LIPI: variants seen among roughly 807,000 people sequenced by gnomAD.
LIPI encodes the protein lipase I, also known as lipase member I.
Under a neutral mutation model 50.6 loss-of-function variants are expected in LIPI, and 59 were observed. That is an observed-to-expected ratio of 1.16 (90% CI 0.94 to 1.45). The LOEUF is 1.45. Among genes scored for constraint, LIPI ranks in the 40% most tolerant of loss-of-function variants. The probability of loss-of-function intolerance (pLI) is 0.00; values close to 1 mark genes in which losing one functional copy is unlikely to be tolerated. For synonymous variants in LIPI, 203 were observed against 178.2 expected (o/e 1.14, Z -1.11); for missense variants, 586 against 536.3 (o/e 1.09, Z -0.92).
At chr21:14,131,171 C>T (rs183731449) in intron 9 of LIPI, among the ~76,000 whole-genome samples, 161 of 152,136 alleles carry the variant, frequency 1.1e-3, no homozygotes, top group Middle Eastern at 3.4e-3. Flanking sequence ...AGGATGGTCT[C>T]GATCCCCTGA....
intron 1 of LIPI, chr21:14,206,975 A>C (rs559600801): frequency 3.1e-5 from 38 of 1,209,378 alleles, no homozygotes; most frequent in Admixed American, 1.7e-4. Context: ...CATGTATAAT[A>C]AGAAGGAAGA....
At chr21:14,145,906 T>C (rs2017887328) in intron 8 of LIPI, among the ~76,000 whole-genome samples, 1 of 152,120 alleles carries the variant, frequency 6.6e-6, no homozygotes, top group South Asian at 2.1e-4. Context: ...AAAAAGGACA[T>C]GATCATTCTA....
chr21:14,142,807 T>G (rs953487727), intron 9 of LIPI, among the ~76,000 whole-genome samples: 5 of 151,816 alleles, frequency 3.3e-5, no homozygotes, highest in Non-Finnish European at 4.4e-5. Flanking sequence ...ATAATTTAGA[T>G]TTTATATTTA....
chr21:14,153,905 A>G (rs1002651166), intron 7 of LIPI, among the ~76,000 whole-genome samples: 2 of 152,208 alleles, frequency 1.3e-5, no homozygotes, highest in African/African-American at 4.8e-5. Context: ...TCCAGAAAAC[A>G]TGAAATTTAA....
At chr21:14,187,716 T>C (rs2019504157) in intron 2 of LIPI, among the ~76,000 whole-genome samples, 1 of 152,156 alleles carries the variant, frequency 6.6e-6, no homozygotes, top group South Asian at 2.1e-4. Context: ...AATGGTATTG[T>C]TTTGTCCAAA....
chr21:14,152,643 T>A lies in LIPI; in HGVS notation c.1048A>T (p.Met350Leu). The A allele has an allele frequency of 1.3e-6, 2 of 1,572,888 alleles. No individual in the cohort carries two copies. Among genetic ancestry groups the A allele is most frequent in the Admixed American group, 1.7e-5 (1 of 59,806 alleles). ...TTAAATGAAAACGAGCCATCCATCATAGTTTTATCTGGAACAATTATACTG... is the reference window on the plus strand; with the variant it reads ...TTAAATGAAAACGAGCCATCCATCAAAGTTTTATCTGGAACAATTATACTG... ...VLSIIVPDKT[M>L]MDGSFSFKLL... The change falls in exon 8 of 10, where the codon ATG (methionine) becomes TTG (leucine). Residue 350 changes from methionine to leucine, a missense_variant. By Grantham distance (15) the Met-to-Leu change is conservative (BLOSUM62 2). Coordinates refer to ENST00000681601, the MANE Select transcript of LIPI (RefSeq NM_001302998.2).
intron 7 of LIPI, among the ~76,000 whole-genome samples, chr21:14,157,002 G>A (rs2018297284): frequency 6.6e-6 from 1 of 151,804 alleles, no homozygotes; most frequent in Non-Finnish European, 1.5e-5. Context: ...CATCGTGGCA[G>A]GTAGCTTAGT....
At chr21:14,182,282 T>G (rs2019300265) in intron 3 of LIPI, among the ~76,000 whole-genome samples, 2 of 152,180 alleles carry the variant, frequency 1.3e-5, no homozygotes, top group African/African-American at 4.8e-5. Flanking sequence ...CTTTTTTAGG[T>G]GCCAAATATA....
chr21:14,177,296 C>T (rs2019130526), intron 4 of LIPI, among the ~76,000 whole-genome samples: 1 of 151,904 alleles, frequency 6.6e-6, no homozygotes, highest in African/African-American at 2.4e-5. Context: ...TATTTTTTAT[C>T]ACCCTTCTAC....
At chr21:14,192,379 CACTTGA>C (rs1355890091) in intron 1 of LIPI, among the ~76,000 whole-genome samples, 1 of 152,070 alleles carries the variant, frequency 6.6e-6, no homozygotes, top group African/African-American at 2.4e-5. Flanking sequence ...GCAGGAGAAT[CACTTGA>C]ACCTGGGAGG....
chr21:14,119,173 A>G (rs1424806659), intron 9 of LIPI, among the ~76,000 whole-genome samples: 2 of 152,180 alleles, frequency 1.3e-5, no homozygotes, highest in Non-Finnish European at 2.9e-5. Context: ...CCAAGGATTT[A>G]AAAACTCCCC....
chr21:14,183,691 A>G (rs185467978), intron 3 of LIPI, among the ~76,000 whole-genome samples: 266 of 152,344 alleles, frequency 1.7e-3, no homozygotes, highest in Non-Finnish European at 3.2e-3. Flanking sequence ...TTCTCAAAAG[A>G]AGACACCTAT....
intron 4 of LIPI, among the ~76,000 whole-genome samples, chr21:14,169,570 C>A (rs1267943285): frequency 6.6e-6 from 1 of 152,160 alleles, no homozygotes; most frequent in Non-Finnish European, 1.5e-5. Flanking sequence ...CACTCAAAAC[C>A]GTTCAACTAC....
chr21:14,168,856 A>G (rs1451300823), intron 4 of LIPI, among the ~76,000 whole-genome samples: 2 of 152,196 alleles, frequency 1.3e-5, no homozygotes, highest in East Asian at 1.9e-4. Flanking sequence ...AAATTCACAC[A>G]TAACAATATT....
intron 4 of LIPI, among the ~76,000 whole-genome samples, chr21:14,170,945 T>C (rs2018878049): frequency 6.6e-6 from 1 of 151,832 alleles, no homozygotes; most frequent in Admixed American, 6.6e-5. Context: ...GCAGATGACA[T>C]GATTGTATAT....
intron 1 of LIPI, among the ~76,000 whole-genome samples, chr21:14,209,018 T>A (rs115501765): frequency 0.035 from 5,256 of 152,156 alleles, 292 homozygotes; most frequent in African/African-American, 0.11. Flanking sequence ...CACACTGTAC[T>A]CCAGCCTGGG....
chr21:14,204,959 A>G (rs1205819623), intron 1 of LIPI, among the ~76,000 whole-genome samples: 1 of 151,836 alleles, frequency 6.6e-6, no homozygotes, highest in Non-Finnish European at 1.5e-5. Flanking sequence ...TAGACAAAAG[A>G]CAAAAAATGA....
At chr21:14,162,628 A>G (rs1250534609) in intron 7 of LIPI, among the ~76,000 whole-genome samples, 1 of 151,932 alleles carries the variant, frequency 6.6e-6, no homozygotes, top group Non-Finnish European at 1.5e-5. Flanking sequence ...TTAACTCAAT[A>G]AAATTTTTAA....
At chr21:14,171,721 C>T (rs865811570) in intron 4 of LIPI, among the ~76,000 whole-genome samples, 2,303 of 150,812 alleles carry the variant, frequency 0.015, 41 homozygotes, top group African/African-American at 0.049. Context: ...TAATTCAAGA[C>T]GGATTAAAGA....
Sources: gnomAD v4.1 joint callset for allele counts (sites outside exome capture counted in the v4.1 genomes callset) on GRCh38, gnomAD v4.1.1 for gene constraint, MANE v1.5 for transcripts, NCBI Gene and HGNC (gene_info 2026-07-23, HGNC 2026-07-21) for gene names.